The following FCGR3B variants were observed in gnomAD, a reference collection of about 807,000 sequenced individuals.
The protein encoded by FCGR3B is Fc gamma receptor IIIb.
Under a neutral mutation model 26.7 loss-of-function variants are expected in FCGR3B, and 20 were observed. The observed-to-expected ratio is 0.75, with a 90% CI of 0.53 to 1.09. FCGR3B has a LOEUF of 1.09. Ranked by LOEUF, FCGR3B falls within the 50% of genes least tolerant of loss-of-function variation. FCGR3B has a pLI of 0.00. For synonymous variants in FCGR3B, 79 were observed against 107.0 expected (o/e 0.74, Z 1.62); for missense variants, 191 against 279.7 (o/e 0.68, Z 2.26).
In FCGR3B at chr1:161,626,214, A is replaced by T. The variant is rs371517248; in HGVS notation, c.508T>A (p.Tyr170Asn). 7.5e-6 allele frequency: 12 copies of T among 1,608,612 alleles called. No homozygotes were observed. The highest frequency in any genetic ancestry group is 1.0e-5 in the Non-Finnish European group (12 of 1,177,628). Residue 170 changes from tyrosine (Y) to asparagine (N), a missense_variant, in exon 4 of 5, where the codon TAC (tyrosine) becomes AAC (asparagine). Physicochemically the swap from Tyr to Asn is moderately radical, Grantham distance 143. This residue lies in a region of FCGR3B where 103 missense variants were observed against 114.5 expected (regional missense o/e 0.90). Coordinates refer to ENST00000650385, the MANE Select transcript of FCGR3B (RefSeq NM_001244753.2). Reference sequence around the variant, plus strand: ...CTCCCAACAAGCCCCCTGCAGAAGTAGGAGCCGCTATCTTTGAGTGTGGCT... The same window carrying T: ...CTCCCAACAAGCCCCCTGCAGAAGTTGGAGCCGCTATCTTTGAGTGTGGCT... ...PKATLKDSGS[Y>N]FCRGLVGSKN... is the part of the protein sequence containing the mutation.
In FCGR3B at chr1:161,626,211, A is replaced by G. The variant is rs1679451010; in HGVS notation, c.511T>C (p.Phe171Leu). ...TTACTCCCAACAAGCCCCCTGCAGA[A>G]GTAGGAGCCGCTATCTTTGAGTGTG... ...KATLKDSGSYFCRGLVGSKNV... is the reference protein window; with the variant it reads ...KATLKDSGSYLCRGLVGSKNV... The change falls in exon 4 of 5, where the codon TTC becomes CTC. Residue 171 changes from phenylalanine (F) to leucine (L), a missense_variant. Physicochemically the swap from Phe to Leu is conservative, Grantham distance 22 (BLOSUM62 0). This residue lies in a region of FCGR3B where 103 missense variants were observed against 114.5 expected (regional missense o/e 0.90). Coordinates refer to ENST00000650385, the MANE Select transcript of FCGR3B (RefSeq NM_001244753.2). The G allele has an allele frequency of 6.2e-7, 1 of 1,608,780 alleles. No homozygotes were observed. The highest frequency in any genetic ancestry group is 1.7e-5 in the Admixed American group (1 of 59,662).
chr1:161,628,501 T>C (rs1011127451), intron 3 of FCGR3B, among the ~76,000 whole-genome samples: 3 of 149,394 alleles, frequency 2.0e-5, no homozygotes, highest in Non-Finnish European at 4.4e-5. Flanking sequence ...GATTTTTCTA[T>C]TGCTTTCTCT....
chr1:161,625,850 G>T lies in FCGR3B; in HGVS notation c.577+295C>A, dbSNP rs1381476728. 1.4e-5 allele frequency among the ~76,000 whole-genome samples: 2 copies of T among 147,924 alleles called. 1 individual carries two copies. The highest frequency in any genetic ancestry group is 3.0e-5 in the Non-Finnish European group (2 of 67,210). On this transcript the variant is annotated intron_variant, in intron 4 of 4. Coordinates refer to ENST00000650385, the MANE Select transcript of FCGR3B (RefSeq NM_001244753.2). ...ACATATGACACCGTGGGTGTGATTA[G>T]GGTAAGGAAAGACAGAGGTATTTAT...
chr1:161,626,575 A>C (rs1330799279), intron 3 of FCGR3B, among the ~76,000 whole-genome samples, 173 bp from the exon 4 acceptor site: 1 of 147,506 alleles, frequency 6.8e-6, no homozygotes, highest in Admixed American at 6.8e-5. Flanking sequence ...AGAGAACTGA[A>C]GTCATACCAA....
At chr1:161,624,722 G>A (rs1312011156) in intron 4 of FCGR3B, 83 bp from the exon 5 acceptor site, 16 of 1,394,100 alleles carry the variant, frequency 1.1e-5, no homozygotes, top group East Asian at 6.9e-5. Flanking sequence ...CACCAGTAGA[G>A]AGTCTTTGAC....
Position 161,626,097 on chromosome 1 carries a change from T to C in FCGR3B, c.577+48A>G, listed in dbSNP as rs367924998. 2.5e-6 allele frequency: 4 copies of C among 1,589,612 alleles called. No individual in the cohort carries two copies. In the African/African-American group the frequency reaches 5.5e-5, roughly 22 times the overall value. On this transcript the variant is annotated intron_variant, in intron 4 of 4. Transcript: ENST00000650385. ...CTCAACTTCCCAGTGTGAGTGCAGG[T>C]TCCACACACAGGCGTCCCTGGGCAT...
chr1:161,623,544 T>C lies in FCGR3B; in HGVS notation c.*971A>G, dbSNP rs569548616. 4 of 149,602 alleles carry C rather than the reference T, an allele frequency of 2.7e-5. No homozygotes were observed. In the South Asian group the frequency reaches 8.6e-4, roughly 32 times the overall value. The allele number at this position is 149,602 out of a possible 1,614,324, so 9.3% of individuals were successfully genotyped here. ...GTTTTACAGTCCCTGCATTAACCTC[T>C]AATTCTTACTACCCCGGCCAAGAAA... On this transcript the variant is annotated 3_prime_UTR_variant, in exon 5 of 5. Transcript: ENST00000650385.
intron 3 of FCGR3B, among the ~76,000 whole-genome samples, chr1:161,628,176 A>G (rs1430028366): frequency 2.0e-5 from 3 of 149,890 alleles, no homozygotes; most frequent in African/African-American, 2.5e-5. Flanking sequence ...GGGAGGCTGA[A>G]GCAGGAGAAT....
intron 4 of FCGR3B, 43 bp from the exon 5 acceptor site, chr1:161,624,682 A>C (rs756009884): frequency 3.2e-6 from 5 of 1,555,724 alleles, no homozygotes; most frequent in East Asian, 4.5e-5. Flanking sequence ...GACAGTCACT[A>C]AGGCAGATAT....
intron 2 of FCGR3B, 28 bp from the exon 3 acceptor site, chr1:161,630,063 G>A: frequency 6.9e-7 from 1 of 1,449,050 alleles, no homozygotes. Context: ...TGTGGGGTGA[G>A]GACAGGGAGA....
chr1:161,624,631 C>G lies in FCGR3B; in HGVS notation c.586G>C (p.Val196Leu). ...VNITITQGLA[V>L]STISSFSPPG... ...GGAGAGAATGATGAGATGGTTGACA[C>G]TGCCAAACCTATTAGGAGAAGTGGA... is the stretch of plus-strand genomic sequence containing the variant. The change falls in exon 5 of 5, where the codon GTG becomes CTG. Residue 196 changes from valine to leucine, a missense_variant. Coordinates refer to ENST00000650385, the MANE Select transcript of FCGR3B (RefSeq NM_001244753.2). 6.2e-7 allele frequency: 1 copy of G among 1,603,876 alleles called. No homozygotes were observed. The highest frequency in any genetic ancestry group is 2.2e-5 in the East Asian group (1 of 44,714).
Position 161,623,586 on chromosome 1 carries a change from C to T in FCGR3B, c.*929G>A, listed in dbSNP as rs1345523393. ...GCCAAGAAAGCATTTTCACCTCCTG[C>T]GCTTTCCTTCCTGTGTGCTTCTGGT... On this transcript the variant is annotated 3_prime_UTR_variant, in exon 5 of 5. Transcript: ENST00000650385. 2 of 148,600 alleles carry T rather than the reference C, an allele frequency of 1.3e-5. No homozygotes were observed. The highest frequency in any genetic ancestry group is 6.8e-5 in the Admixed American group (1 of 14,768). The allele number at this position is 148,600 out of a possible 1,614,324, so 9.2% of individuals were successfully genotyped here.
intron 3 of FCGR3B, among the ~76,000 whole-genome samples, 178 bp from the exon 4 acceptor site, chr1:161,626,580 T>C (rs572499602): frequency 6.1e-5 from 9 of 147,492 alleles, no homozygotes; most frequent in Admixed American, 4.7e-4. Flanking sequence ...ACTGAAGTCA[T>C]ACCAAGACCT....
rs1339471427 is a variant in FCGR3B, at chr1:161,629,165, C to A, written c.319+613G>T. Reference sequence around the variant, plus strand: ...ATTATTGGCCAGGTGTGGTGGCTCACGCCTGTAGTCCCAGCACTTTGGAAA... The same window carrying A: ...ATTATTGGCCAGGTGTGGTGGCTCAAGCCTGTAGTCCCAGCACTTTGGAAA... On this transcript the variant is annotated intron_variant, in intron 3 of 4. Transcript: ENST00000650385. 2.3e-5 allele frequency among the ~76,000 whole-genome samples: 2 copies of A among 86,040 alleles called. 1 individual carries two copies. The highest frequency in any genetic ancestry group is 8.4e-5 in the African/African-American group (2 of 23,948). 56.4% of individuals were successfully genotyped at this position (86,040 alleles called of 152,430 possible). A position where few individuals can be genotyped will look rare whatever the true frequency, so the allele number is the denominator to read the frequency against.
chr1:161,624,941 T>G (rs1296498920), intron 4 of FCGR3B, among the ~76,000 whole-genome samples: 9 of 140,670 alleles, frequency 6.4e-5, no homozygotes, highest in Admixed American at 4.3e-4. Context: ...TAAGAAATTG[T>G]CAGACAATGC....
In FCGR3B at chr1:161,625,818, G is replaced by A. The variant is rs143617797; in HGVS notation, c.577+327C>T. Among the ~76,000 whole-genome samples, 402 of 146,800 alleles carry A rather than the reference G, an allele frequency of 2.7e-3. 7 individuals are homozygous for A. The East Asian group carries it at 0.039, about 14-fold the overall frequency. On this transcript the variant is annotated intron_variant, in intron 4 of 4. Coordinates refer to ENST00000650385, the MANE Select transcript of FCGR3B (RefSeq NM_001244753.2). ...GCTTGGATAAGAAGGAGGCCAGCACGATAGGAACATATGACACCGTGGGTG... is the reference window on the plus strand; with the variant it reads ...GCTTGGATAAGAAGGAGGCCAGCACAATAGGAACATATGACACCGTGGGTG...
chr1:161,624,979 T>C lies in FCGR3B; in HGVS notation c.578-340A>G, dbSNP rs1236884804. On this transcript the variant is annotated intron_variant, in intron 4 of 4. Transcript: ENST00000650385. ...TGGTCTAGAAACTGGGATAAATTTG[T>C]TGATTTTGCATTTCAATTTTTTAAA... Among the ~76,000 whole-genome samples the C allele has an allele frequency of 6.5e-5, 9 of 138,924 alleles. 1 individual carries two copies. In the East Asian group the frequency reaches 1.8e-3, roughly 27 times the overall value. 91.1% of individuals were successfully genotyped at this position (138,924 alleles called of 152,430 possible).
chr1:161,628,200 G>T (rs573045143), intron 3 of FCGR3B, among the ~76,000 whole-genome samples: 2 of 150,214 alleles, frequency 1.3e-5, no homozygotes, highest in East Asian at 3.9e-4. Flanking sequence ...TGGAACCAGG[G>T]AGGTGGAGGT....
At position 161,626,389 on chromosome 1, in the gene FCGR3B, G is replaced by A; in HGVS notation, c.333C>T (p.Leu111=). 3.7e-6 allele frequency: 6 copies of A among 1,609,166 alleles called. No homozygotes were observed. The highest frequency in any genetic ancestry group is 5.1e-6 in the Non-Finnish European group (6 of 1,178,136). ...QLEVHIGWLL[L]QAPRWVFKEE... Reference sequence around the variant, plus strand: ...CCTTGAACACCCACCGAGGGGCCTGGAGCAACAGCCAGCCTGAAAGACACA... The same window carrying A: ...CCTTGAACACCCACCGAGGGGCCTGAAGCAACAGCCAGCCTGAAAGACACA... Residue 111 remains leucine (L), a synonymous_variant, in exon 4 of 5, where the codon CTC becomes CTT. Transcript: ENST00000650385.
Sources: allele counts gnomAD v4.1 joint callset (sites outside exome capture counted in the v4.1 genomes callset), GRCh38; gene constraint gnomAD v4.1.1; regional missense constraint gnomAD v4.1.1; transcripts MANE v1.5; gene names NCBI Gene and HGNC (gene_info 2026-07-23, HGNC 2026-07-21).